The following MYMX variants were observed in gnomAD, a reference collection of about 807,000 sequenced individuals.
MYMX encodes the protein myomixer, myoblast fusion factor, also known as protein myomixer.
At chr6:44,209,254 G>A in the MYMX span, among the ~76,000 whole-genome samples, 80 of 152,202 alleles carry the variant, frequency 5.3e-4, no homozygotes, top group Admixed American at 9.8e-4. Flanking sequence ...GTGAGCCACC[G>A]TACCTGGCTT....
chr6:44,213,255 G>A (rs951212047), upstream of MYMX, among the ~76,000 whole-genome samples: 3 of 150,968 alleles, frequency 2.0e-5, no homozygotes, highest in Non-Finnish European at 3.0e-5. Context: ...GCGTGGTGGC[G>A]CATGCCTGTA....
the MYMX span, among the ~76,000 whole-genome samples, chr6:44,201,212 C>G: frequency 6.6e-6 from 1 of 152,318 alleles, no homozygotes. Flanking sequence ...TAGCTCCTCA[C>G]TCAGGTAGGT....
At chr6:44,211,303 A>G in the MYMX span, among the ~76,000 whole-genome samples, 1 of 152,218 alleles carries the variant, frequency 6.6e-6, no homozygotes, top group African/African-American at 2.4e-5. Flanking sequence ...ATAATAAGGG[A>G]AACAAGTTTG....
At chr6:44,216,747 C>T (rs570149027), upstream of MYMX, among the ~76,000 whole-genome samples, 9 of 152,290 alleles carry the variant, frequency 5.9e-5, no homozygotes, top group African/African-American at 2.2e-4. Flanking sequence ...TCCCTTCCCT[C>T]TCCTCCCCCT....
chr6:44,196,786 C>G, the MYMX span, among the ~76,000 whole-genome samples: 1 of 151,932 alleles, frequency 6.6e-6, no homozygotes, highest in African/African-American at 2.4e-5. Context: ...TGGAGAAACC[C>G]TGTCTCTATT....
At chr6:44,194,453 G>A in the MYMX span, among the ~76,000 whole-genome samples, 1 of 152,216 alleles carries the variant, frequency 6.6e-6, no homozygotes, top group Non-Finnish European at 1.5e-5. Flanking sequence ...CAGGGAGCAG[G>A]CTGCACTCCC....
At chr6:44,205,763 C>T in the MYMX span, among the ~76,000 whole-genome samples, 4 of 151,822 alleles carry the variant, frequency 2.6e-5, no homozygotes, top group African/African-American at 7.3e-5. Context: ...GAGCTGAGAT[C>T]GCTCCACTTC....
the MYMX span, among the ~76,000 whole-genome samples, chr6:44,208,416 G>A: frequency 6.6e-6 from 1 of 152,120 alleles, no homozygotes; most frequent in Non-Finnish European, 1.5e-5. Flanking sequence ...TTAGAACTAA[G>A]TTGAAATCCA....
chr6:44,193,621 A>G, the MYMX span, among the ~76,000 whole-genome samples: 1 of 152,156 alleles, frequency 6.6e-6, no homozygotes, highest in African/African-American at 2.4e-5. Flanking sequence ...TTGGTCTCAG[A>G]GCTGCCCTCT....
the MYMX span, among the ~76,000 whole-genome samples, chr6:44,206,015 T>TTTG: frequency 9.5e-5 from 14 of 148,138 alleles, no homozygotes; most frequent in South Asian, 6.4e-4. Context: ...AAACCTCATT[T>TTTG]TTGTTGTTGT....
rs190816804 is a variant in MYMX at position 44,218,019 on chromosome 6, C to A, written c.*293C>A. 2.1e-4 allele frequency: 61 copies of A among 284,204 alleles called. No homozygotes were observed. The highest frequency in any genetic ancestry group is 1.1e-3 in the African/African-American group (50 of 46,182). The allele number at this position is 284,204 out of a possible 1,614,324, so 17.6% of individuals were successfully genotyped here. A position where few individuals can be genotyped will look rare whatever the true frequency, so the allele number is the denominator to read the frequency against. ...CAGGCGGGAGGGGAACTAACACCCA[C>A]CCACCCCTGCCCTCCCTGCAAATGG... is the stretch of plus-strand genomic sequence containing the variant. On this transcript the variant is annotated 3_prime_UTR_variant, in exon 2 of 2. Transcript: ENST00000573382.
the MYMX span, among the ~76,000 whole-genome samples, chr6:44,210,542 C>T: frequency 6.6e-6 from 1 of 152,138 alleles, no homozygotes; most frequent in Admixed American, 6.5e-5. Flanking sequence ...CCTACCTCAG[C>T]CTCCCAAAAT....
the MYMX span, among the ~76,000 whole-genome samples, chr6:44,195,175 A>G: frequency 3.3e-5 from 5 of 151,896 alleles, no homozygotes; most frequent in South Asian, 1.0e-3. Flanking sequence ...CGCACCACCA[A>G]GCCCAGCTAA....
the MYMX span, among the ~76,000 whole-genome samples, chr6:44,209,457 A>T: frequency 6.6e-6 from 1 of 152,138 alleles, no homozygotes; most frequent in East Asian, 1.9e-4. Context: ...CTTTCATGAT[A>T]TTTGCTCAAC....
chr6:44,208,215 C>G, the MYMX span, among the ~76,000 whole-genome samples: 84 of 149,958 alleles, frequency 5.6e-4, no homozygotes, highest in Middle Eastern at 6.8e-3. Context: ...CCACTGCATG[C>G]CAGCTTGGGC....
chr6:44,206,009 C>CAAA, the MYMX span, among the ~76,000 whole-genome samples: 1 of 113,148 alleles, frequency 8.8e-6, no homozygotes, highest in African/African-American at 3.2e-5. Flanking sequence ...AAAAAAAAAC[C>CAAA]TCATTTTTGT....
At chr6:44,196,578 C>T in the MYMX span, among the ~76,000 whole-genome samples, 3 of 152,140 alleles carry the variant, frequency 2.0e-5, no homozygotes, top group Non-Finnish European at 1.5e-5. Flanking sequence ...ACTCAGAAGG[C>T]TGAGGCACGA....
chr6:44,204,886 T>C, the MYMX span, among the ~76,000 whole-genome samples: 19 of 152,348 alleles, frequency 1.2e-4, no homozygotes, highest in African/African-American at 4.6e-4. Context: ...ATTTAATTCA[T>C]AGACCTGCCA....
chr6:44,213,215 C>G (rs1034600241), upstream of MYMX, among the ~76,000 whole-genome samples: 1 of 151,360 alleles, frequency 6.6e-6, no homozygotes, highest in African/African-American at 2.4e-5. Context: ...GAAACCCCCT[C>G]TACTTAAAAA....
Sources: allele counts gnomAD v4.1 joint callset (sites outside exome capture counted in the v4.1 genomes callset), GRCh38; gene constraint gnomAD v4.1.1; transcripts MANE v1.5; gene names NCBI Gene and HGNC (gene_info 2026-07-23, HGNC 2026-07-21).